PPARGC1A: variants seen among roughly 807,000 people sequenced by gnomAD.
PPARGC1A encodes the protein peroxisome proliferator-activated receptor gamma coactivator 1-alpha.
Under a neutral mutation model 88.7 loss-of-function variants are expected in PPARGC1A, and 25 were observed. The observed-to-expected ratio is 0.28, with a 90% CI of 0.21 to 0.39. The LOEUF is 0.39. PPARGC1A is among the 10% of genes least tolerant of loss of function. The pLI, the probability that PPARGC1A is intolerant of heterozygous loss-of-function variation, is 1.00. For synonymous variants in PPARGC1A, 363 were observed against 355.6 expected (o/e 1.02, Z -0.24); for missense variants, 880 against 968.7 (o/e 0.91, Z 1.22).
At chr4:24,372,477 C>A in the PPARGC1A span, among the ~76,000 whole-genome samples, 1 of 152,188 alleles carries the variant, frequency 6.6e-6, no homozygotes, top group Non-Finnish European at 1.5e-5. Flanking sequence ...CTAGCCCTGA[C>A]AGTCTTTGAG....
At chr4:24,333,443 T>C in the PPARGC1A span, among the ~76,000 whole-genome samples, 3 of 152,270 alleles carry the variant, frequency 2.0e-5, no homozygotes, top group Non-Finnish European at 4.4e-5. Context: ...CTGCAAAGTT[T>C]TTCCTAATCA....
At chr4:24,056,476 T>C in the PPARGC1A span, among the ~76,000 whole-genome samples, 1 of 152,204 alleles carries the variant, frequency 6.6e-6, no homozygotes, top group African/African-American at 2.4e-5. Flanking sequence ...AGAGTTCTGT[T>C]TCCCTAAGAA....
chr4:24,127,444 T>C, the PPARGC1A span, among the ~76,000 whole-genome samples: 6 of 151,946 alleles, frequency 3.9e-5, no homozygotes, highest in African/African-American at 1.5e-4. Context: ...GTTTATCTGG[T>C]GGGGGTGAGG....
chr4:23,956,595 T>C, the PPARGC1A span, among the ~76,000 whole-genome samples: 38 of 152,174 alleles, frequency 2.5e-4, no homozygotes, highest in Middle Eastern at 3.4e-3. Context: ...TGACAAACCA[T>C]ATTCTCCAAA....
the PPARGC1A span, among the ~76,000 whole-genome samples, chr4:23,961,281 C>A: frequency 1.3e-5 from 2 of 152,100 alleles, no homozygotes; most frequent in Non-Finnish European, 2.9e-5. Flanking sequence ...AGAAGAAGGT[C>A]AAAATCTCCT....
the PPARGC1A span, among the ~76,000 whole-genome samples, chr4:24,073,620 G>A: frequency 6.6e-6 from 1 of 152,270 alleles, no homozygotes; most frequent in South Asian, 2.1e-4. Context: ...TGATGACAAT[G>A]ATTATGATGA....
At chr4:24,153,139 G>A in the PPARGC1A span, among the ~76,000 whole-genome samples, 3 of 152,162 alleles carry the variant, frequency 2.0e-5, no homozygotes, top group Admixed American at 2.0e-4. Context: ...GGTAACTATA[G>A]AGGAGCATAG....
At chr4:23,859,775 C>G (rs998470715) in intron 2 of PPARGC1A, among the ~76,000 whole-genome samples, 12 of 143,230 alleles carry the variant, frequency 8.4e-5, no homozygotes, top group Non-Finnish European at 1.5e-4. Context: ...TGCAAGACAC[C>G]GTCTCAAAAT....
chr4:23,889,135 G>A (rs976052805), intron 1 of PPARGC1A: 2 of 985,256 alleles, frequency 2.0e-6, no homozygotes, highest in South Asian at 9.4e-5. Flanking sequence ...TTGATGTATT[G>A]CTGTCTATTT....
chr4:23,996,813 A>G, the PPARGC1A span, among the ~76,000 whole-genome samples: 838 of 152,332 alleles, frequency 5.5e-3, 11 homozygotes, highest in African/African-American at 0.019. Flanking sequence ...GCATGACTTT[A>G]TTCCAATAAA....
chr4:24,171,900 G>A, the PPARGC1A span, among the ~76,000 whole-genome samples: 2 of 152,160 alleles, frequency 1.3e-5, no homozygotes, highest in Non-Finnish European at 2.9e-5. Context: ...GATACTGCAT[G>A]GGAAATTCAC....
At chr4:24,332,707 T>G in the PPARGC1A span, among the ~76,000 whole-genome samples, 1 of 152,104 alleles carries the variant, frequency 6.6e-6, no homozygotes, top group Admixed American at 6.5e-5. Context: ...ACATCTGTGC[T>G]CCCCGAAATA....
chr4:24,240,667 CT>C, the PPARGC1A span, among the ~76,000 whole-genome samples: 1 of 152,114 alleles, frequency 6.6e-6, no homozygotes, highest in East Asian at 1.9e-4. Context: ...CATGTATTTG[CT>C]AATATCATCA....
At chr4:24,248,157 C>T in the PPARGC1A span, among the ~76,000 whole-genome samples, 1 of 152,094 alleles carries the variant, frequency 6.6e-6, no homozygotes, top group Non-Finnish European at 1.5e-5. Context: ...TGGAGTCTCG[C>T]TCTGTCGCCC....
chr4:24,116,744 A>C, the PPARGC1A span, among the ~76,000 whole-genome samples: 8 of 152,164 alleles, frequency 5.3e-5, no homozygotes. Flanking sequence ...CATGGCTTCT[A>C]TTTAACAAGG....
chr4:24,446,293 T>G, the PPARGC1A span, among the ~76,000 whole-genome samples: 1 of 152,222 alleles, frequency 6.6e-6, no homozygotes, highest in Non-Finnish European at 1.5e-5. Flanking sequence ...TGAGGTGGTA[T>G]CTCATTGTTT....
At chr4:24,283,379 A>C in the PPARGC1A span, among the ~76,000 whole-genome samples, 2 of 152,150 alleles carry the variant, frequency 1.3e-5, no homozygotes, top group Admixed American at 6.5e-5. Flanking sequence ...GGGTCATACC[A>C]CCTGCCCTAC....
At chr4:24,073,186 C>G in the PPARGC1A span, among the ~76,000 whole-genome samples, 1 of 152,096 alleles carries the variant, frequency 6.6e-6, no homozygotes, top group Non-Finnish European at 1.5e-5. Flanking sequence ...GGACTACAGG[C>G]ACTTGCCACC....
the PPARGC1A span, among the ~76,000 whole-genome samples, chr4:24,391,123 TA>T: frequency 1.3e-5 from 2 of 152,140 alleles, no homozygotes; most frequent in Non-Finnish European, 2.9e-5. Flanking sequence ...TATTACTTTT[TA>T]AAAATATGTT....
Sources: gnomAD v4.1 joint callset for allele counts (sites outside exome capture counted in the v4.1 genomes callset) on GRCh38, gnomAD v4.1.1 for gene constraint, MANE v1.5 for transcripts, NCBI Gene and HGNC (gene_info 2026-07-23, HGNC 2026-07-21) for gene names.